ZFHX3: variants seen among roughly 807,000 people sequenced by gnomAD.
ZFHX3 encodes zinc finger homeobox 3.
Under a neutral mutation model 279.1 loss-of-function variants are expected in ZFHX3, and 42 were observed. That is an observed-to-expected ratio of 0.15 (90% CI 0.12 to 0.19). The LOEUF (loss-of-function observed/expected upper bound fraction) is 0.19. Ranked by LOEUF, ZFHX3 falls within the 10% of genes least tolerant of loss-of-function variation. The pLI is 1.00. For missense variants in ZFHX3, 4,981 were observed against 4,754.0 expected, an observed-to-expected ratio of 1.05 and a Z score of -1.40; for synonymous variants, 2,293 against 1,957.8, an observed-to-expected ratio of 1.17 and a Z score of -4.52.
intron 3 of ZFHX3, among the ~76,000 whole-genome samples, chr16:73,434,170 GA>G (rs2017958364): frequency 6.6e-6 from 1 of 152,132 alleles, no homozygotes; most frequent in South Asian, 2.1e-4. Flanking sequence ...TCTTGGACTC[GA>G]AAGTTGACAA....
chr16:73,806,044 G>T (rs545051556), intron 1 of ZFHX3, among the ~76,000 whole-genome samples: 2 of 152,302 alleles, frequency 1.3e-5, no homozygotes, highest in Admixed American at 6.5e-5. Flanking sequence ...ATGGCGAAAG[G>T]CATCTCTTCA....
At chr16:73,034,911 T>C (rs1006930158) in intron 1 of ZFHX3, among the ~76,000 whole-genome samples, 2 of 152,206 alleles carry the variant, frequency 1.3e-5, no homozygotes, top group African/African-American at 4.8e-5. Flanking sequence ...AAACCCGCTG[T>C]GTGCAGACTG....
In ZFHX3 at chr16:73,289,785, G is replaced by A. The variant is rs915638832; in HGVS notation, c.-1194+28455C>T. 5.9e-5 allele frequency among the ~76,000 whole-genome samples: 9 copies of A among 152,212 alleles called. No homozygotes were observed. In the East Asian group the frequency reaches 1.4e-3, roughly 23 times the overall value. ...AGGGGAGCAGGAGACCCTACCAGGT[G>A]CACCGAAATGTGGCTACAAACCAGG... is the stretch of plus-strand genomic sequence containing the variant. On this transcript the variant is annotated intron_variant, in intron 4 of 17. Coordinates refer to the ZFHX3 transcript ENST00000641206.
chr16:73,024,460 T>C (rs1964422653), intron 1 of ZFHX3, among the ~76,000 whole-genome samples: 2 of 152,162 alleles, frequency 1.3e-5, no homozygotes, highest in Admixed American at 6.5e-5. Context: ...TCATGCACCA[T>C]TGACTACCCA....
chr16:72,937,773 A>C (rs543517449), intron 3 of ZFHX3, among the ~76,000 whole-genome samples: 1 of 152,202 alleles, frequency 6.6e-6, no homozygotes, highest in South Asian at 2.1e-4. Flanking sequence ...TCACTTCCTG[A>C]CCTTCCTCCT....
At chr16:73,078,288 G>A (rs1322533504) in intron 8 of ZFHX3, among the ~76,000 whole-genome samples, 1 of 152,142 alleles carries the variant, frequency 6.6e-6, no homozygotes, top group Admixed American at 6.5e-5. Flanking sequence ...GAATACGCCT[G>A]GCACAGAGAC....
chr16:73,196,910 G>T (rs948596024), intron 5 of ZFHX3, among the ~76,000 whole-genome samples: 1 of 152,160 alleles, frequency 6.6e-6, no homozygotes, highest in Admixed American at 6.5e-5. Context: ...GATGGTAGGC[G>T]TTCTGGAGGG....
intron 8 of ZFHX3, among the ~76,000 whole-genome samples, chr16:73,074,294 G>A (rs1965859481): frequency 6.6e-6 from 1 of 152,172 alleles, no homozygotes; most frequent in African/African-American, 2.4e-5. Flanking sequence ...ACCTCACCCA[G>A]CTCCTCATAT....
chr16:73,532,850 A>T lies in ZFHX3; in HGVS notation c.-1546-76592T>A, dbSNP rs190604133. Among the ~76,000 whole-genome samples the T allele has an allele frequency of 4.6e-5, 7 of 152,252 alleles. No homozygotes were observed. The East Asian group carries it at 1.4e-3, about 29-fold the overall frequency. On this transcript the variant is annotated intron_variant, in intron 2 of 17. Transcript: ENST00000641206. ...TTCCCATAATAGTGAGTGAGTTCTC[A>T]CCAGATCTGATGGTTTTATAAGGGT...
chr16:73,185,224 G>A (rs1353923240), intron 5 of ZFHX3, among the ~76,000 whole-genome samples: 1 of 152,162 alleles, frequency 6.6e-6, no homozygotes, highest in Non-Finnish European at 1.5e-5. Context: ...CATAGGTGAT[G>A]GCTAATATTT....
intron 3 of ZFHX3, among the ~76,000 whole-genome samples, chr16:73,365,061 A>T (rs945549479): frequency 6.6e-6 from 1 of 152,192 alleles, no homozygotes; most frequent in Non-Finnish European, 1.5e-5. Context: ...CATGTGGCGA[A>T]GATCACTGAG....
At chr16:73,002,314 T>A (rs901650828) in intron 1 of ZFHX3, among the ~76,000 whole-genome samples, 4 of 152,250 alleles carry the variant, frequency 2.6e-5, no homozygotes, top group African/African-American at 9.6e-5. Context: ...AGATTAATGC[T>A]CTGTGGTGGC....
chr16:73,646,833 T>C (rs1233357403), intron 2 of ZFHX3, among the ~76,000 whole-genome samples: 2 of 152,182 alleles, frequency 1.3e-5, no homozygotes, highest in African/African-American at 2.4e-5. Context: ...AGATCTAGAC[T>C]GCCAAATGCC....
At chr16:72,911,808 C>T (rs368429016) in intron 3 of ZFHX3, among the ~76,000 whole-genome samples, 7 of 152,252 alleles carry the variant, frequency 4.6e-5, no homozygotes, top group South Asian at 4.1e-4. Context: ...TTCTAGTGGA[C>T]GGTGCTGAAT....
At chr16:73,634,160 T>C (rs1459650368) in intron 2 of ZFHX3, among the ~76,000 whole-genome samples, 4 of 151,854 alleles carry the variant, frequency 2.6e-5, no homozygotes, top group African/African-American at 9.7e-5. Flanking sequence ...ACACACACTG[T>C]ATCATGTCAA....
In ZFHX3 at chr16:73,667,153, G is replaced by A. The variant is rs367883523; in HGVS notation, c.-1547+13027C>T. 4.4e-3 allele frequency among the ~76,000 whole-genome samples: 665 copies of A among 151,926 alleles called. 2 individuals carry two copies. Among genetic ancestry groups the A allele is most frequent in the Middle Eastern group, 6.8e-3 (2 of 294 alleles). The stretch of plus-strand genomic sequence containing the variant: ...ATTACAGGTGCCCGCCACCACGCCC[G>A]GCTAATTTTTGTATTTTTAGTAGAG... On this transcript the variant is annotated intron_variant, in intron 2 of 17. Transcript: ENST00000641206.
At chr16:73,108,029 C>T (rs1163512234) in intron 7 of ZFHX3, among the ~76,000 whole-genome samples, 5 of 152,040 alleles carry the variant, frequency 3.3e-5, no homozygotes, top group Non-Finnish European at 5.9e-5. Context: ...GGCGTGGTGG[C>T]GGGCACCTGT....
intron 1 of ZFHX3, among the ~76,000 whole-genome samples, chr16:73,777,152 T>C (rs1216083347): frequency 2.7e-4 from 41 of 152,152 alleles, no homozygotes; most frequent in Admixed American, 2.7e-3. Context: ...TTCTCATATG[T>C]GCAGGGCAAG....
chr16:73,475,548 C>G (rs1044841996), intron 2 of ZFHX3, among the ~76,000 whole-genome samples: 1 of 151,976 alleles, frequency 6.6e-6, no homozygotes, highest in African/African-American at 2.4e-5. Flanking sequence ...ATATCATATA[C>G]TCTTCCTCAA....
Sources: gnomAD v4.1 joint callset for allele counts (sites outside exome capture counted in the v4.1 genomes callset) on GRCh38, gnomAD v4.1.1 for gene constraint, MANE v1.5 for transcripts, NCBI Gene and HGNC (gene_info 2026-07-23, HGNC 2026-07-21) for gene names.